ANXA8: variants seen among roughly 807,000 people sequenced by gnomAD.
The protein encoded by ANXA8 is annexin A8.
ANXA8 carries 9 observed loss-of-function variants against 26.8 expected under a neutral mutation model. The observed-to-expected ratio is 0.34, with a 90% CI of 0.20 to 0.59. The LOEUF (loss-of-function observed/expected upper bound fraction) is 0.59, where lower values mean the gene tolerates loss of function less well. ANXA8 is among the 20% of genes least tolerant of loss of function. The pLI, the probability that ANXA8 is intolerant of heterozygous loss-of-function variation, is 0.84. For missense variants in ANXA8, 83 were observed against 238.5 expected (o/e 0.35, Z 4.29); for synonymous variants, 39 against 94.8 (o/e 0.41, Z 3.42).
chr10:47,775,352 AAC>A, the ANXA8 span, among the ~76,000 whole-genome samples: 3 of 149,810 alleles, frequency 2.0e-5, no homozygotes, highest in Non-Finnish European at 4.4e-5. Context: ...CAGCCTGGGC[AAC>A]AGAGAGAGCC....
At chr10:47,506,666 G>T in the ANXA8 span, among the ~76,000 whole-genome samples, 3 of 142,262 alleles carry the variant, frequency 2.1e-5, no homozygotes, top group African/African-American at 7.6e-5. Flanking sequence ...TTTAGACAGA[G>T]TCTTGCTCTG....
the ANXA8 span, among the ~76,000 whole-genome samples, chr10:47,687,307 GGCTGGAGT>G: frequency 2.0e-5 from 3 of 149,758 alleles, no homozygotes; most frequent in East Asian, 5.9e-4. Context: ...CTGTCACCCA[GGCTGGAGT>G]GCTGGAGTGC....
At chr10:47,571,114 C>T in the ANXA8 span, among the ~76,000 whole-genome samples, 1 of 126,510 alleles carries the variant, frequency 7.9e-6, no homozygotes, top group Non-Finnish European at 1.7e-5. Context: ...AAGGTCTTTC[C>T]TCCTCACCTA....
the ANXA8 span, among the ~76,000 whole-genome samples, chr10:47,728,969 G>C: frequency 6.6e-6 from 1 of 151,866 alleles, no homozygotes; most frequent in Admixed American, 6.6e-5. Context: ...AGTCAGGCTG[G>C]TCTTGAACTC....
chr10:47,521,656 A>G, the ANXA8 span, among the ~76,000 whole-genome samples: 1 of 147,894 alleles, frequency 6.8e-6, no homozygotes, highest in Non-Finnish European at 1.5e-5. Flanking sequence ...ATTACCCAGA[A>G]TTACTTTTAC....
the ANXA8 span, among the ~76,000 whole-genome samples, chr10:47,957,533 A>G: frequency 6.7e-6 from 1 of 150,184 alleles, no homozygotes; most frequent in Non-Finnish European, 1.5e-5. Context: ...AGTCCTTACA[A>G]TAGATTCCAA....
At chr10:47,975,199 C>A in the ANXA8 span, among the ~76,000 whole-genome samples, 1 of 149,230 alleles carries the variant, frequency 6.7e-6, no homozygotes, top group Non-Finnish European at 1.5e-5. Flanking sequence ...ATGTCAGCAC[C>A]AATAGATTGG....
the ANXA8 span, among the ~76,000 whole-genome samples, chr10:47,533,216 CA>C: frequency 2.8e-5 from 4 of 141,550 alleles, no homozygotes; most frequent in African/African-American, 1.1e-4. Context: ...CACACACACA[CA>C]CACACACCCC....
chr10:47,680,721 G>A, the ANXA8 span, among the ~76,000 whole-genome samples: 2 of 151,606 alleles, frequency 1.3e-5, no homozygotes, highest in African/African-American at 4.9e-5. Context: ...AAATTCTCTT[G>A]TACTTACCAG....
At chr10:47,562,901 G>T in the ANXA8 span, among the ~76,000 whole-genome samples, 10 of 150,000 alleles carry the variant, frequency 6.7e-5, no homozygotes, top group Middle Eastern at 3.4e-3. Flanking sequence ...TTTGAACCTG[G>T]TGACTATTCA....
At chr10:47,977,276 G>C in the ANXA8 span, among the ~76,000 whole-genome samples, 1 of 145,584 alleles carries the variant, frequency 6.9e-6, no homozygotes, top group Non-Finnish European at 1.5e-5. Context: ...TCACGAAACA[G>C]AGAAACAGCA....
At chr10:47,535,792 T>A in the ANXA8 span, among the ~76,000 whole-genome samples, 1 of 44,530 alleles carries the variant, frequency 2.2e-5, no homozygotes, top group Non-Finnish European at 4.0e-5. Context: ...ACATCATGCA[T>A]GTGATTCAGG....
the ANXA8 span, among the ~76,000 whole-genome samples, chr10:47,950,401 G>A: frequency 6.6e-6 from 1 of 152,194 alleles, no homozygotes; most frequent in Non-Finnish European, 1.5e-5. Flanking sequence ...TGATTTAATT[G>A]ATGCCTATAG....
chr10:47,691,503 G>A, the ANXA8 span, among the ~76,000 whole-genome samples: 1 of 142,654 alleles, frequency 7.0e-6, no homozygotes, highest in Non-Finnish European at 1.5e-5. Context: ...TAGTCAGGTG[G>A]AGTGGGTCAC....
the ANXA8 span, among the ~76,000 whole-genome samples, chr10:47,953,857 G>A: frequency 4.6e-5 from 7 of 150,652 alleles, no homozygotes; most frequent in African/African-American, 7.4e-5. Flanking sequence ...ATGTCAACCC[G>A]GTTAAAGTGG....
the ANXA8 span, among the ~76,000 whole-genome samples, chr10:47,660,686 C>A: frequency 6.6e-6 from 1 of 151,614 alleles, no homozygotes; most frequent in Non-Finnish European, 1.5e-5. Context: ...CAGGCGTGAG[C>A]CACTGAACCT....
At chr10:47,589,825 A>C in the ANXA8 span, among the ~76,000 whole-genome samples, 2 of 145,184 alleles carry the variant, frequency 1.4e-5, 1 homozygote, top group African/African-American at 5.7e-5. Context: ...TGCTTGGAGC[A>C]GCTCAGATTC....
intron 6 of ANXA8, among the ~76,000 whole-genome samples, 173 bp downstream of exon 6, chr10:47,475,320 G>C (rs1167956548): frequency 6.6e-6 from 1 of 151,822 alleles, no homozygotes; most frequent in African/African-American, 2.4e-5. Flanking sequence ...AGGTGTGGGG[G>C]CTCTGCAGTT....
At chr10:47,747,257 C>T in the ANXA8 span, among the ~76,000 whole-genome samples, 4 of 152,158 alleles carry the variant, frequency 2.6e-5, no homozygotes, top group Non-Finnish European at 4.4e-5. Flanking sequence ...GTTGTCAAGG[C>T]AGCTGGAACT....
Sources: gnomAD v4.1 joint callset for allele counts (sites outside exome capture counted in the v4.1 genomes callset) on GRCh38, gnomAD v4.1.1 for gene constraint, MANE v1.5 for transcripts, NCBI Gene and HGNC (gene_info 2026-07-23, HGNC 2026-07-21) for gene names.